Variants in PCDH9 observed in about 807,000 individuals in gnomAD.
PCDH9 encodes protocadherin-9.
Under a neutral mutation model 70.6 loss-of-function variants are expected in PCDH9, and 24 were observed. The ratio of observed to expected loss-of-function variants is 0.34; its 90% confidence interval spans 0.25 to 0.48. The LOEUF (loss-of-function observed/expected upper bound fraction) is 0.48. Among genes scored for constraint, PCDH9 ranks in the 20% least tolerant of loss-of-function variants. The probability of loss-of-function intolerance (pLI) is 0.99; values close to 1 mark genes in which losing one functional copy is unlikely to be tolerated. For missense variants in PCDH9, 1,281 were observed against 1,503.6 expected (o/e 0.85, Z 2.45); for synonymous variants, 562 against 558.5 (o/e 1.01, Z -0.09).
At position 66,562,104 on chromosome 13, in the gene PCDH9, C is replaced by T. The variant is rs1316101034; in HGVS notation, c.3340+69106G>A. ...GCCACCTTAAGAGCTGTAACACTCA[C>T]CGCAAGGGTCCACGGCTTCATTCTT... is the stretch of plus-strand genomic sequence containing the variant. On this transcript the variant is annotated intron_variant, in intron 4 of 4. Coordinates refer to ENST00000377865, the MANE Select transcript of PCDH9 (RefSeq NM_203487.3). 5.9e-5 allele frequency among the ~76,000 whole-genome samples: 9 copies of T among 152,068 alleles called. 1 individual carries two copies. The highest frequency in any genetic ancestry group is 5.9e-4 in the Admixed American group (9 of 15,264).
chr13:66,857,671 TA>T (rs1335835247), intron 3 of PCDH9, among the ~76,000 whole-genome samples: 2 of 152,192 alleles, frequency 1.3e-5, no homozygotes, highest in East Asian at 1.9e-4. Flanking sequence ...TATATTCATA[TA>T]TTTTTTTTCT....
At chr13:67,007,857 T>A (rs1321686173) in intron 2 of PCDH9, among the ~76,000 whole-genome samples, 1 of 152,146 alleles carries the variant, frequency 6.6e-6, no homozygotes, top group African/African-American at 2.4e-5. Flanking sequence ...CGTGAATATA[T>A]CAACTTTACC....
intron 2 of PCDH9, among the ~76,000 whole-genome samples, chr13:66,951,979 G>T (rs2139704025): frequency 6.6e-6 from 1 of 152,288 alleles, no homozygotes; most frequent in African/African-American, 2.4e-5. Flanking sequence ...TGTTACTAGA[G>T]ATGATTTTAA....
At chr13:66,582,706 C>G (rs188087956) in intron 4 of PCDH9, among the ~76,000 whole-genome samples, 102 of 152,160 alleles carry the variant, frequency 6.7e-4, no homozygotes, top group East Asian at 2.9e-3. Flanking sequence ...TTCAAGAGAG[C>G]CTTGTTCTTT....
At chr13:67,146,813 C>G (rs2087534150) in intron 2 of PCDH9, among the ~76,000 whole-genome samples, 1 of 152,206 alleles carries the variant, frequency 6.6e-6, no homozygotes. Flanking sequence ...TCAGTCAAAA[C>G]ACACTTCCAC....
At chr13:66,946,909 C>G (rs777702190) in intron 2 of PCDH9, among the ~76,000 whole-genome samples, 3 of 152,034 alleles carry the variant, frequency 2.0e-5, no homozygotes, top group Non-Finnish European at 4.4e-5. Context: ...AATAAATGTA[C>G]TATGTTTGTG....
At position 66,693,941 on chromosome 13, in the gene PCDH9, G is replaced by T. The variant is rs145407640; in HGVS notation, c.3139-62530C>A. 1.4e-4 allele frequency among the ~76,000 whole-genome samples: 21 copies of T among 152,254 alleles called. No individual in the cohort carries two copies. The East Asian group carries it at 3.9e-3, about 28-fold the overall frequency. On this transcript the variant is annotated intron_variant, in intron 3 of 4. Transcript: ENST00000377865. ...GCTACACATTATCTCACAACTATAA[G>T]GTTGAAATACACAAAAATTTAAAAA... is the stretch of plus-strand genomic sequence containing the variant.
intron 4 of PCDH9, among the ~76,000 whole-genome samples, chr13:66,496,446 C>T (rs1297844385): frequency 6.6e-6 from 1 of 152,154 alleles, no homozygotes; most frequent in Non-Finnish European, 1.5e-5. Context: ...TCATTTCCTC[C>T]TCTCAAGGTT....
At chr13:67,158,255 GAACA>G (rs1245409150) in intron 2 of PCDH9, among the ~76,000 whole-genome samples, 1 of 152,106 alleles carries the variant, frequency 6.6e-6, no homozygotes, top group Non-Finnish European at 1.5e-5. Context: ...TAAGCTAATA[GAACA>G]AACACCTATT....
At chr13:66,873,420 T>A (rs891725429) in intron 3 of PCDH9, among the ~76,000 whole-genome samples, 4 of 152,176 alleles carry the variant, frequency 2.6e-5, no homozygotes, top group Non-Finnish European at 5.9e-5. Context: ...CAATCCAATT[T>A]ATTTTTAAAC....
intron 4 of PCDH9, among the ~76,000 whole-genome samples, chr13:66,542,802 TA>T (rs951239741): frequency 6.8e-6 from 1 of 147,694 alleles, no homozygotes; most frequent in African/African-American, 2.5e-5. Context: ...TATGTATATA[TA>T]AATATATATA....
At chr13:66,350,976 A>G (rs1956283112) in intron 4 of PCDH9, among the ~76,000 whole-genome samples, 1 of 152,152 alleles carries the variant, frequency 6.6e-6, no homozygotes, top group Non-Finnish European at 1.5e-5. Flanking sequence ...ATCTTTTCTC[A>G]TGTCTACAGG....
chr13:66,355,098 A>C (rs983120132), intron 4 of PCDH9, among the ~76,000 whole-genome samples: 3 of 152,046 alleles, frequency 2.0e-5, no homozygotes, highest in African/African-American at 4.8e-5. Flanking sequence ...AAGTTTTCCC[A>C]ATTCAGCCTA....
At chr13:66,631,099 C>A in intron 4 of PCDH9, 111 bp downstream of exon 4, 2 of 656,260 alleles carry the variant, frequency 3.0e-6, no homozygotes, top group Non-Finnish European at 5.5e-6. Context: ...ATAAAGCCAG[C>A]AAAAAAATAA....
At chr13:67,198,225 T>C (rs2089124109) in intron 2 of PCDH9, among the ~76,000 whole-genome samples, 1 of 151,736 alleles carries the variant, frequency 6.6e-6, no homozygotes, top group Non-Finnish European at 1.5e-5. Context: ...GAAAAATAAA[T>C]GAAATAAAAT....
At chr13:66,852,461 TAAAAGAGA>T (rs1352915007) in intron 3 of PCDH9, among the ~76,000 whole-genome samples, 1 of 152,134 alleles carries the variant, frequency 6.6e-6, no homozygotes, top group Non-Finnish European at 1.5e-5. Flanking sequence ...AATTACCAGT[TAAAAGAGA>T]AAAAGAGAAG....
intron 4 of PCDH9, among the ~76,000 whole-genome samples, chr13:66,423,366 CA>C (rs140963895): frequency 1.0e-3 from 138 of 138,464 alleles, no homozygotes; most frequent in Admixed American, 1.1e-3. Context: ...AGAGACACAG[CA>C]AAAAAAAAAA....
chr13:66,531,609 T>C (rs536267095), intron 4 of PCDH9, among the ~76,000 whole-genome samples: 1 of 152,282 alleles, frequency 6.6e-6, no homozygotes, highest in East Asian at 1.9e-4. Flanking sequence ...ACGACTCTTC[T>C]AAGTAATATT....
At chr13:66,915,314 T>C (rs2082539549) in intron 2 of PCDH9, among the ~76,000 whole-genome samples, 1 of 151,708 alleles carries the variant, frequency 6.6e-6, no homozygotes, top group African/African-American at 2.4e-5. Context: ...ATTAGCATTC[T>C]GTTACAATTC....
Sources: gnomAD v4.1 joint callset for allele counts (sites outside exome capture counted in the v4.1 genomes callset) on GRCh38, gnomAD v4.1.1 for gene constraint, MANE v1.5 for transcripts, NCBI Gene and HGNC (gene_info 2026-07-23, HGNC 2026-07-21) for gene names.